The following CNTN4 variants were observed in gnomAD, a reference collection of about 807,000 sequenced individuals.
The protein encoded by CNTN4 is contactin-4.
Under a neutral mutation model 122.5 loss-of-function variants are expected in CNTN4, and 77 were observed. The observed-to-expected ratio is 0.63, with a 90% CI of 0.52 to 0.76. CNTN4 has a LOEUF of 0.76. CNTN4 is among the 30% of genes least tolerant of loss of function. CNTN4 has a pLI of 0.00. For synonymous variants in CNTN4, 512 were observed against 447.0 expected (o/e 1.15, Z -1.83); for missense variants, 1,256 against 1,259.1 (o/e 1.00, Z 0.04).
chr3:2,152,624 A>G (rs1000339728), intron 2 of CNTN4, among the ~76,000 whole-genome samples: 2 of 152,146 alleles, frequency 1.3e-5, no homozygotes, highest in African/African-American at 2.4e-5. Context: ...TCCTGAAAAA[A>G]TAGAAGATTG....
At chr3:2,905,453 G>A (rs2094219423) in intron 12 of CNTN4, among the ~76,000 whole-genome samples, 1 of 152,098 alleles carries the variant, frequency 6.6e-6, no homozygotes, top group African/African-American at 2.4e-5. Flanking sequence ...GGGTCTCTTG[G>A]GCCTCTTTTA....
At chr3:2,802,291 C>T (rs947646068) in intron 6 of CNTN4, among the ~76,000 whole-genome samples, 3 of 152,200 alleles carry the variant, frequency 2.0e-5, no homozygotes, top group Non-Finnish European at 4.4e-5. Flanking sequence ...AGTCACCCAA[C>T]ACTTATTTTC....
At chr3:2,974,173 A>C (rs1319897082) in intron 13 of CNTN4, among the ~76,000 whole-genome samples, 1 of 152,210 alleles carries the variant, frequency 6.6e-6, no homozygotes, top group Non-Finnish European at 1.5e-5. Flanking sequence ...AAGTTTACCT[A>C]GCTGGAATAT....
chr3:2,924,682 C>T (rs181670273), intron 12 of CNTN4, among the ~76,000 whole-genome samples: 8 of 152,254 alleles, frequency 5.3e-5, no homozygotes, highest in East Asian at 1.9e-4. Flanking sequence ...TTTTTTAGAA[C>T]GCTAGTGGTG....
intron 3 of CNTN4, among the ~76,000 whole-genome samples, chr3:2,466,966 C>CTTTTTTTTT (rs1202147926): frequency 8.5e-6 from 1 of 117,780 alleles, no homozygotes; most frequent in Admixed American, 9.4e-5. Context: ...TTCTTTCTTT[C>CTTTTTTTTT]TTTCTTTTTT....
At chr3:2,559,073 C>T (rs950724063) in intron 3 of CNTN4, among the ~76,000 whole-genome samples, 5 of 152,252 alleles carry the variant, frequency 3.3e-5, no homozygotes, top group African/African-American at 9.6e-5. Flanking sequence ...TGCTACCTAA[C>T]AGGCTATTAC....
intron 2 of CNTN4, among the ~76,000 whole-genome samples, chr3:2,125,260 C>T (rs1371085424): frequency 6.6e-6 from 1 of 151,600 alleles, no homozygotes; most frequent in Non-Finnish European, 1.5e-5. Context: ...ATACTGTCTT[C>T]CAGGTACATG....
intron 3 of CNTN4, chr3:2,362,409 C>T (rs1208516069): frequency 1.7e-5 from 6 of 354,902 alleles, no homozygotes; most frequent in East Asian, 8.2e-5. Flanking sequence ...GGGGTGTAGC[C>T]CCAACCATCT....
intron 2 of CNTN4, among the ~76,000 whole-genome samples, chr3:2,279,192 A>G (rs1440090639): frequency 6.7e-6 from 1 of 149,814 alleles, no homozygotes; most frequent in Admixed American, 6.6e-5. Flanking sequence ...GCAAGGAATA[A>G]GGATTAATAA....
At chr3:3,017,538 G>A (rs765479121) in intron 14 of CNTN4, among the ~76,000 whole-genome samples, 5 of 152,120 alleles carry the variant, frequency 3.3e-5, no homozygotes, top group Non-Finnish European at 7.4e-5. Flanking sequence ...GGAACCTGGG[G>A]CAGACAAAAA....
chr3:2,294,742 A>G (rs991274149), intron 2 of CNTN4, among the ~76,000 whole-genome samples: 5 of 152,116 alleles, frequency 3.3e-5, no homozygotes, highest in African/African-American at 1.2e-4. Context: ...TTTGTTACCT[A>G]TGTATACATG....
At chr3:2,915,159 G>T (rs544294076) in intron 12 of CNTN4, among the ~76,000 whole-genome samples, 3 of 152,260 alleles carry the variant, frequency 2.0e-5, no homozygotes, top group East Asian at 3.9e-4. Flanking sequence ...TCCACCTCCC[G>T]GGTTCAAGCG....
At chr3:2,948,210 T>C (rs2094699336) in intron 13 of CNTN4, among the ~76,000 whole-genome samples, 1 of 152,216 alleles carries the variant, frequency 6.6e-6, no homozygotes, top group African/African-American at 2.4e-5. Flanking sequence ...GTTTGTTCTC[T>C]TTGTGGGATT....
At chr3:2,205,420 T>A (rs1181172564) in intron 2 of CNTN4, among the ~76,000 whole-genome samples, 1 of 151,652 alleles carries the variant, frequency 6.6e-6, no homozygotes, top group African/African-American at 2.4e-5. Context: ...ATTTTATACT[T>A]CTTTGAATAT....
intron 4 of CNTN4, among the ~76,000 whole-genome samples, chr3:2,652,580 TC>T (rs1351573526): frequency 6.6e-6 from 1 of 151,998 alleles, no homozygotes; most frequent in African/African-American, 2.4e-5. Flanking sequence ...AGAAAAGACT[TC>T]CTAGAGAAGG....
chr3:2,627,717 TCTC>T lies in CNTN4; in HGVS notation c.55+56162_55+56164del, dbSNP rs1479983165. On this transcript the variant is annotated intron_variant, in intron 4 of 24. Coordinates refer to ENST00000418658, the MANE Select transcript of CNTN4 (RefSeq NM_175607.3). Reference sequence around the variant, plus strand: ...ACCGTGTTAGCCAGGATGGTCTCGATCTCCTGACCTTGTGATCTGCCCGCCTCG... The same window carrying T: ...ACCGTGTTAGCCAGGATGGTCTCGATCTGACCTTGTGATCTGCCCGCCTCG... Among the ~76,000 whole-genome samples the T allele has an allele frequency of 2.0e-5, 3 of 151,966 alleles. No individual in the cohort carries two copies. The East Asian group carries it at 5.8e-4, about 29-fold the overall frequency.
intron 2 of CNTN4, among the ~76,000 whole-genome samples, chr3:2,316,318 T>C (rs913347895): frequency 6.6e-6 from 1 of 152,082 alleles, no homozygotes; most frequent in African/African-American, 2.4e-5. Context: ...ACATGCTTTA[T>C]CAAGATGTAT....
At chr3:2,193,174 C>G (rs1202646470) in intron 2 of CNTN4, among the ~76,000 whole-genome samples, 1 of 152,150 alleles carries the variant, frequency 6.6e-6, no homozygotes, top group African/African-American at 2.4e-5. Context: ...AGACTTCAAG[C>G]TGTACCCCCT....
chr3:2,264,622 C>A (rs1464668941), intron 2 of CNTN4, among the ~76,000 whole-genome samples: 2 of 152,004 alleles, frequency 1.3e-5, no homozygotes, highest in Admixed American at 1.3e-4. Context: ...CTTAATGTAG[C>A]TTCATGCAAT....
Sources: allele counts gnomAD v4.1 joint callset (sites outside exome capture counted in the v4.1 genomes callset), GRCh38; gene constraint gnomAD v4.1.1; transcripts MANE v1.5; gene names NCBI Gene and HGNC (gene_info 2026-07-23, HGNC 2026-07-21).